Variants in PDE4D observed in about 807,000 individuals in gnomAD.
PDE4D encodes the protein 3',5'-cyclic-AMP phosphodiesterase 4D.
PDE4D carries 24 observed loss-of-function variants against 87.4 expected under a neutral mutation model. That is an observed-to-expected ratio of 0.27 (90% confidence interval 0.20 to 0.39). The LOEUF (loss-of-function observed/expected upper bound fraction) is 0.39. Ranked by LOEUF, PDE4D falls within the 10% of genes least tolerant of loss-of-function variation. The pLI is 1.00. For synonymous variants in PDE4D, 384 were observed against 383.2 expected, an observed-to-expected ratio of 1.00 and a Z score of -0.02; for missense variants, 714 against 1,041.0, an observed-to-expected ratio of 0.69 and a Z score of 4.32.
At chr5:59,214,993 A>G (rs1383203028) in intron 2 of PDE4D, among the ~76,000 whole-genome samples, 1 of 152,180 alleles carries the variant, frequency 6.6e-6, no homozygotes, top group Non-Finnish European at 1.5e-5. Flanking sequence ...AAATGTATAG[A>G]CCAAGAGAGA....
At chr5:59,773,092 A>C (rs966921467) in intron 1 of PDE4D, among the ~76,000 whole-genome samples, 4 of 152,218 alleles carry the variant, frequency 2.6e-5, no homozygotes, top group Non-Finnish European at 5.9e-5. Context: ...AAAATCTACC[A>C]TTATGTGATA....
intron 1 of PDE4D, among the ~76,000 whole-genome samples, chr5:59,593,854 G>A (rs1220949460): frequency 6.6e-6 from 1 of 152,178 alleles, no homozygotes; most frequent in African/African-American, 2.4e-5. Context: ...CTCCAGGAGT[G>A]CTACCAAGTT....
chr5:59,688,307 A>G (rs1249123731), intron 1 of PDE4D, among the ~76,000 whole-genome samples: 1 of 152,238 alleles, frequency 6.6e-6, no homozygotes, highest in Non-Finnish European at 1.5e-5. Flanking sequence ...AAAATTGACC[A>G]TATAGTTGGA....
chr5:60,173,838 G>A (rs1446661655), intron 2 of PDE4D, among the ~76,000 whole-genome samples: 6 of 152,096 alleles, frequency 3.9e-5, no homozygotes, highest in African/African-American at 1.4e-4. Context: ...GGTGGAAAGG[G>A]AAGTCAAGCT....
At chr5:59,700,032 T>C (rs1297524982) in intron 1 of PDE4D, among the ~76,000 whole-genome samples, 2 of 152,282 alleles carry the variant, frequency 1.3e-5, no homozygotes, top group South Asian at 2.1e-4. Flanking sequence ...GAAAATCTAA[T>C]AGCTGGTCTC....
chr5:59,519,836 G>A (rs1189497534), intron 1 of PDE4D, among the ~76,000 whole-genome samples: 1 of 152,130 alleles, frequency 6.6e-6, no homozygotes, highest in Admixed American at 6.5e-5. Context: ...TGAGAGAACA[G>A]TCATGTGGGA....
At chr5:59,443,680 C>T (rs910630451) in intron 1 of PDE4D, among the ~76,000 whole-genome samples, 1 of 152,120 alleles carries the variant, frequency 6.6e-6, no homozygotes, top group African/African-American at 2.4e-5. Flanking sequence ...GATGGTACAA[C>T]CATATTTTAA....
chr5:59,305,444 G>T (rs1053269302), intron 1 of PDE4D, among the ~76,000 whole-genome samples: 2 of 151,390 alleles, frequency 1.3e-5, no homozygotes, highest in African/African-American at 4.9e-5. Flanking sequence ...CTTCTGCTGG[G>T]TTTGGGTTTG....
chr5:59,035,712 A>T (rs750052786), intron 6 of PDE4D, among the ~76,000 whole-genome samples: 16 of 152,170 alleles, frequency 1.1e-4, no homozygotes, highest in Admixed American at 3.3e-4. Context: ...CTCTAATGTA[A>T]CTCCATTAGC....
At chr5:59,806,593 AAATT>A (rs373889986) in intron 1 of PDE4D, among the ~76,000 whole-genome samples, 299 of 152,354 alleles carry the variant, frequency 2.0e-3, no homozygotes, top group South Asian at 5.4e-3. Flanking sequence ...CATTACTGTG[AAATT>A]AATCTCTTTT....
intron 2 of PDE4D, among the ~76,000 whole-genome samples, chr5:60,049,428 C>T (rs553259568): frequency 1.1e-4 from 17 of 152,308 alleles, no homozygotes; most frequent in East Asian, 3.9e-4. Flanking sequence ...TTCCTTTGGA[C>T]GAGGAGAGGC....
intron 1 of PDE4D, among the ~76,000 whole-genome samples, chr5:59,598,829 G>A (rs574335116): frequency 3.9e-5 from 6 of 152,162 alleles, no homozygotes; most frequent in South Asian, 4.1e-4. Context: ...ATGTAATCCC[G>A]GTGCTTTGCA....
intron 1 of PDE4D, among the ~76,000 whole-genome samples, chr5:59,257,065 T>C (rs1185738844): frequency 6.6e-6 from 1 of 152,018 alleles, no homozygotes; most frequent in Non-Finnish European, 1.5e-5. Context: ...TTAATAAATG[T>C]TATGATGTTG....
chr5:60,124,918 A>C (rs978203701), intron 2 of PDE4D, among the ~76,000 whole-genome samples: 1 of 152,148 alleles, frequency 6.6e-6, no homozygotes, highest in African/African-American at 2.4e-5. Flanking sequence ...ATTCACAATT[A>C]ATCATGCATT....
chr5:60,171,373 T>C (rs1783414437), intron 2 of PDE4D, among the ~76,000 whole-genome samples: 1 of 152,020 alleles, frequency 6.6e-6, no homozygotes, highest in African/African-American at 2.4e-5. Context: ...AAGGCTGTTG[T>C]GCGTTTTCAG....
chr5:60,126,272 A>C (rs1467886708), intron 2 of PDE4D, among the ~76,000 whole-genome samples: 3 of 152,198 alleles, frequency 2.0e-5, no homozygotes, highest in Non-Finnish European at 4.4e-5. Context: ...AACCAAACTT[A>C]AACCCGAGGT....
intron 5 of PDE4D, among the ~76,000 whole-genome samples, chr5:59,093,593 T>C (rs948207869): frequency 6.6e-6 from 1 of 152,188 alleles, no homozygotes; most frequent in Non-Finnish European, 1.5e-5. Context: ...CCGGCTTTGA[T>C]TGAACAACCT....
At chr5:59,230,055 G>T (rs967268259) in intron 1 of PDE4D, among the ~76,000 whole-genome samples, 1 of 152,152 alleles carries the variant, frequency 6.6e-6, no homozygotes, top group African/African-American at 2.4e-5. Flanking sequence ...CCAAAGTGCT[G>T]GGATTATAGG....
chr5:59,868,236 T>C (rs530184188), intron 1 of PDE4D, among the ~76,000 whole-genome samples: 3 of 152,252 alleles, frequency 2.0e-5, no homozygotes, highest in South Asian at 4.1e-4. Context: ...TAAATATTTA[T>C]TTACTAATTC....
Sources: allele counts gnomAD v4.1 joint callset (sites outside exome capture counted in the v4.1 genomes callset), GRCh38; gene constraint gnomAD v4.1.1; transcripts MANE v1.5; gene names NCBI Gene and HGNC (gene_info 2026-07-23, HGNC 2026-07-21).